The following TNRC6A variants were observed in gnomAD, a reference collection of about 807,000 sequenced individuals.
TNRC6A encodes trinucleotide repeat-containing gene 6A protein.
In TNRC6A, 44 loss-of-function variants were observed where a neutral mutation model predicts 221.2. That is an observed-to-expected ratio of 0.20 (90% CI 0.16 to 0.26). The LOEUF (loss-of-function observed/expected upper bound fraction) is 0.26, where lower values mean the gene tolerates loss of function less well. Ranked by LOEUF, TNRC6A falls within the 10% of genes least tolerant of loss-of-function variation. The pLI is 1.00. For synonymous variants in TNRC6A, 847 were observed against 838.5 expected (o/e 1.01, Z -0.18); for missense variants, 2,199 against 2,404.4 (o/e 0.91, Z 1.79).
At chr16:24,680,147 G>A (rs2055502086) in intron 2 of TNRC6A, among the ~76,000 whole-genome samples, 1 of 151,978 alleles carries the variant, frequency 6.6e-6, no homozygotes, top group Admixed American at 6.6e-5. Flanking sequence ...GAATATATTT[G>A]GCCAGGTACA....
intron 18 of TNRC6A, among the ~76,000 whole-genome samples, chr16:24,811,823 A>G (rs1051361281): frequency 6.6e-6 from 1 of 151,840 alleles, no homozygotes; most frequent in Non-Finnish European, 1.5e-5. Flanking sequence ...TTTTTGTGAC[A>G]TTCTTTTTTT....
chr16:24,669,968 T>TTTTTTTTTTTTTTTTTTTTTTA (rs2055259977), intron 2 of TNRC6A, among the ~76,000 whole-genome samples: 1 of 115,962 alleles, frequency 8.6e-6, no homozygotes, highest in Non-Finnish European at 1.7e-5. Context: ...TTTTTTTTTT[T>TTTTTTTTTTTTTTTTTTTTTTA]AGACAGAGTC....
intron 5 of TNRC6A, among the ~76,000 whole-genome samples, chr16:24,778,913 C>T (rs2057782236): frequency 6.6e-6 from 1 of 152,096 alleles, no homozygotes; most frequent in African/African-American, 2.4e-5. Context: ...AGTTATACAA[C>T]AGATGATGGA....
Position 24,797,544 on chromosome 16 carries a change from A to C in TNRC6A, c.3616A>C (p.Lys1206Gln). 1 of 1,612,294 alleles carries C rather than the reference A, an allele frequency of 6.2e-7. No individual in the cohort carries two copies. Among genetic ancestry groups the C allele is most frequent in the Non-Finnish European group, 8.5e-7 (1 of 1,179,478 alleles). Residue 1206 changes from lysine to glutamine, a missense_variant, in exon 10 of 25, where the codon AAA (lysine) becomes CAA (glutamine). Physicochemically the swap from Lys to Gln is moderately conservative, Grantham distance 53 (BLOSUM62 1). This residue lies in a region of TNRC6A where 158 missense variants were observed against 159.1 expected (regional missense o/e 0.99). Coordinates refer to ENST00000395799, the MANE Select transcript of TNRC6A (RefSeq NM_014494.4). ...AGAAGCGTGGATAAATCCATTTGTT[A>C]AACAGTTTTCAAACATCAGTTTTTC... Reference protein sequence around the residue: ...QEEAWINPFVKQFSNISFSRD... With the variant: ...QEEAWINPFVQQFSNISFSRD...
At chr16:24,646,673 A>G (rs1285852390) in intron 2 of TNRC6A, among the ~76,000 whole-genome samples, 1 of 152,216 alleles carries the variant, frequency 6.6e-6, no homozygotes, top group African/African-American at 2.4e-5. Flanking sequence ...TCAGATGTAA[A>G]AGATGTTTTT....
At chr16:24,794,289 C>T (rs1330345374) in intron 7 of TNRC6A, among the ~76,000 whole-genome samples, 1 of 152,152 alleles carries the variant, frequency 6.6e-6, no homozygotes, top group Non-Finnish European at 1.5e-5. Flanking sequence ...TACCATTGTC[C>T]ATGTTCAAGA....
chr16:24,783,427 C>T (rs1447519150), intron 5 of TNRC6A, among the ~76,000 whole-genome samples: 1 of 152,158 alleles, frequency 6.6e-6, no homozygotes. Context: ...CTGCGCCCAG[C>T]TGATGCTGTT....
intron 2 of TNRC6A, among the ~76,000 whole-genome samples, chr16:24,697,767 C>T (rs1203399196): frequency 2.0e-5 from 3 of 151,998 alleles, no homozygotes; most frequent in Admixed American, 6.6e-5. Context: ...TGGGGCCGGG[C>T]ATGGTGGCTC....
chr16:24,796,034 G>A (rs770645468), intron 9 of TNRC6A, 95 bp downstream of exon 9: 1 of 1,397,154 alleles, frequency 7.2e-7, no homozygotes, highest in East Asian at 2.3e-5. Flanking sequence ...CTGTGTGCCA[G>A]GTACTGTGCT....
chr16:24,758,698 C>T (rs2057302185), intron 4 of TNRC6A, among the ~76,000 whole-genome samples: 1 of 152,124 alleles, frequency 6.6e-6, no homozygotes, highest in African/African-American at 2.4e-5. Flanking sequence ...TGTGGGGTAA[C>T]CTCTAGGACC....
chr16:24,677,733 C>T (rs1295515038), intron 2 of TNRC6A, among the ~76,000 whole-genome samples: 2 of 152,158 alleles, frequency 1.3e-5, no homozygotes, highest in African/African-American at 4.8e-5. Context: ...CTTGTTCCCC[C>T]TTTTATCCTC....
intron 2 of TNRC6A, among the ~76,000 whole-genome samples, chr16:24,648,566 G>A (rs77703492): frequency 2.3e-4 from 35 of 152,152 alleles, no homozygotes; most frequent in South Asian, 6.2e-4. Flanking sequence ...CACCGCGCCC[G>A]GCCCACAGCA....
intron 2 of TNRC6A, among the ~76,000 whole-genome samples, chr16:24,693,205 A>T (rs774774653): frequency 2.0e-5 from 3 of 152,038 alleles, no homozygotes; most frequent in Non-Finnish European, 4.4e-5. Flanking sequence ...CTGTAATTCC[A>T]GCACTTTGGG....
At chr16:24,654,956 G>A (rs973912756) in intron 2 of TNRC6A, among the ~76,000 whole-genome samples, 43 of 152,114 alleles carry the variant, frequency 2.8e-4, no homozygotes, top group African/African-American at 9.2e-4. Flanking sequence ...ATGAGGTAAA[G>A]AAAAGGCTGG....
chr16:24,668,094 G>A (rs1272633022), intron 2 of TNRC6A, among the ~76,000 whole-genome samples: 1 of 152,190 alleles, frequency 6.6e-6, no homozygotes, highest in East Asian at 1.9e-4. Context: ...TTGGGAGGCT[G>A]AGGCTGGAGT....
chr16:24,697,427 G>A (rs556372017), intron 2 of TNRC6A, among the ~76,000 whole-genome samples: 22 of 152,278 alleles, frequency 1.4e-4, no homozygotes, highest in Non-Finnish European at 3.1e-4. Flanking sequence ...GCTCACACCT[G>A]TAATCCCAGC....
Position 24,790,213 on chromosome 16 carries a change from C to G in TNRC6A, c.1571C>G (p.Ala524Gly). 2.5e-6 allele frequency: 4 copies of G among 1,614,150 alleles called. No homozygotes were observed. The highest frequency in any genetic ancestry group is 3.4e-6 in the Non-Finnish European group (4 of 1,180,036). ...GGCTCTTATGGTACTACATGGGGTG[C>G]CTATGGTTCTAATTACTCTGGAGAC... ...SGGSYGTTWGAYGSNYSGDKC... is the reference protein window; with the variant it reads ...SGGSYGTTWGGYGSNYSGDKC... The change falls in exon 6 of 25, where the codon GCC becomes GGC. Residue 524 changes from alanine (A) to glycine (G), a missense_variant. Coordinates refer to ENST00000395799, the MANE Select transcript of TNRC6A (RefSeq NM_014494.4).
intron 5 of TNRC6A, among the ~76,000 whole-genome samples, chr16:24,781,778 C>T (rs938714967): frequency 6.6e-6 from 1 of 152,044 alleles, no homozygotes; most frequent in African/African-American, 2.4e-5. Context: ...CTTCCCTCTC[C>T]TATATGTCTC....
At chr16:24,701,368 C>CTTT (rs397854971) in intron 2 of TNRC6A, among the ~76,000 whole-genome samples, 1 of 135,574 alleles carries the variant, frequency 7.4e-6, no homozygotes, top group Non-Finnish European at 1.6e-5. Context: ...ACTTTTTTTT[C>CTTT]TTTTTTTTTT....
Sources: gnomAD v4.1 joint callset for allele counts (sites outside exome capture counted in the v4.1 genomes callset) on GRCh38, gnomAD v4.1.1 for gene constraint, gnomAD v4.1.1 regional missense constraint, MANE v1.5 for transcripts, NCBI Gene and HGNC (gene_info 2026-07-23, HGNC 2026-07-21) for gene names.